Variants in SLC17A4 observed in about 807,000 individuals in gnomAD.
The protein encoded by SLC17A4 is solute carrier family 17 member 4.
In SLC17A4, 33 loss-of-function variants were observed where a neutral mutation model predicts 52.5. The ratio of observed to expected loss-of-function variants is 0.63; its 90% CI spans 0.48 to 0.84. The LOEUF (loss-of-function observed/expected upper bound fraction) is 0.84, where lower values mean the gene tolerates loss of function less well. SLC17A4 is among the 40% of genes least tolerant of loss of function. The probability of loss-of-function intolerance (pLI) is 0.00; values close to 1 mark genes in which losing one functional copy is unlikely to be tolerated. For synonymous variants in SLC17A4, 225 were observed against 216.2 expected (o/e 1.04, Z -0.36); for missense variants, 585 against 597.1 (o/e 0.98, Z 0.21).
chr6:25,756,480 G>T (rs896946574), intron 1 of SLC17A4, among the ~76,000 whole-genome samples: 3 of 152,034 alleles, frequency 2.0e-5, no homozygotes, highest in African/African-American at 7.3e-5. Flanking sequence ...TTCATACCAT[G>T]TGGCATTCTT....
In SLC17A4 at chr6:25,780,664, G is replaced by A. The variant is rs1763246776; in HGVS notation, c.*1476G>A. On this transcript the variant is annotated 3_prime_UTR_variant, in exon 12 of 12. Transcript: ENST00000377905. ...GTTGGTCTTTATTTTGAAATCAGTAGGAAGTGTCCTGGTTTTCAAAGGCAC... is the reference window on the plus strand; with the variant it reads ...GTTGGTCTTTATTTTGAAATCAGTAAGAAGTGTCCTGGTTTTCAAAGGCAC... 1 of 152,220 alleles carries A rather than the reference G, an allele frequency of 6.6e-6. No individual in the cohort carries two copies. The highest frequency in any genetic ancestry group is 6.6e-5 in the Admixed American group (1 of 15,264). 9.4% of individuals were successfully genotyped at this position (152,220 alleles called of 1,614,324 possible). A position where few individuals can be genotyped will look rare whatever the true frequency, so the allele number is the denominator to read the frequency against.
intron 7 of SLC17A4, 51 bp downstream of exon 7, chr6:25,773,444 A>G (rs1762643494): frequency 1.9e-6 from 3 of 1,612,454 alleles, no homozygotes; most frequent in Non-Finnish European, 2.5e-6. Context: ...TAGACGTCTG[A>G]GAGATGAAGA....
chr6:25,769,120 C>T lies in SLC17A4; in HGVS notation c.227C>T (p.Ala76Val). The T allele has an allele frequency of 1.2e-6, 2 of 1,614,010 alleles. No individual in the cohort carries two copies. The highest frequency in any genetic ancestry group is 1.7e-6 in the Non-Finnish European group (2 of 1,179,950). The change falls in exon 3 of 12, where the codon GCT becomes GTT. Residue 76 changes from alanine to valine, a missense_variant. Coordinates refer to ENST00000377905, the MANE Select transcript of SLC17A4 (RefSeq NM_005495.3). ...NNTAPPSQPN[A>V]STERPSTDSQ... ...ACAGCCCCACCTAGCCAGCCCAATG[C>T]TTCCACAGAACGGCCCTCCACTGAC... is the stretch of plus-strand genomic sequence containing the variant.
chr6:25,763,259 A>C (rs1481509344), intron 2 of SLC17A4, among the ~76,000 whole-genome samples: 1 of 151,952 alleles, frequency 6.6e-6, no homozygotes, highest in Admixed American at 6.6e-5. Flanking sequence ...TTTGTAACCC[A>C]CTTTACCCTG....
rs749077229 is a variant in SLC17A4 at position 25,776,801 on chromosome 6, T to A, written c.1121-11T>A. 6.2e-7 allele frequency: 1 copy of A among 1,613,984 alleles called. No homozygotes were observed. Among genetic ancestry groups the A allele is most frequent in the Admixed American group, 1.7e-5 (1 of 59,996 alleles). ...CCTTCAGTTTACTCTGTGTTTGTCC[T>A]CCTACCCCAGGGGTTCTCTTCCCAT... is the stretch of plus-strand genomic sequence containing the variant. On this transcript the variant is annotated splice_polypyrimidine_tract_variant and intron_variant, in intron 9 of 11. Coordinates refer to ENST00000377905, the MANE Select transcript of SLC17A4 (RefSeq NM_005495.3).
chr6:25,775,530 G>A (rs903400033), intron 8 of SLC17A4, among the ~76,000 whole-genome samples: 15 of 151,976 alleles, frequency 9.9e-5, no homozygotes, highest in African/African-American at 3.6e-4. Context: ...CGACCTCCCA[G>A]GCTCAAGCAA....
intron 1 of SLC17A4, among the ~76,000 whole-genome samples, chr6:25,759,081 T>G (rs1453516868): frequency 1.3e-5 from 2 of 152,230 alleles, no homozygotes; most frequent in Non-Finnish European, 2.9e-5. Flanking sequence ...AGCAGCTTAT[T>G]TAATTTCCAT....
chr6:25,761,344 G>A (rs1218321425), intron 1 of SLC17A4, among the ~76,000 whole-genome samples: 1 of 152,078 alleles, frequency 6.6e-6, no homozygotes, highest in Non-Finnish European at 1.5e-5. Flanking sequence ...CCTGGCATGG[G>A]CCTAAGGCTT....
rs989493713 is a variant in SLC17A4, at chr6:25,773,264, C to T, written c.707-11C>T. The T allele has an allele frequency of 6.2e-7, 1 of 1,607,198 alleles. No individual in the cohort carries two copies. Among genetic ancestry groups the T allele is most frequent in the Non-Finnish European group, 8.5e-7 (1 of 1,173,788 alleles). On this transcript the variant is annotated splice_polypyrimidine_tract_variant and intron_variant, in intron 6 of 11. Transcript: ENST00000377905. ...AATCCATCCAGTGCTAACTGGATCC[C>T]CTTTTCCTAGGAGGAATTGGCTGTG...
rs1365682481 is a variant in SLC17A4 at position 25,780,605 on chromosome 6, G to A, written c.*1417G>A. On this transcript the variant is annotated 3_prime_UTR_variant, in exon 12 of 12. Transcript: ENST00000377905. Reference sequence around the variant, plus strand: ...GAGACTGTAGAAGAATTAAGGTCAGGAGCACACAGGATGATGTAGGCCCAG... The same window carrying A: ...GAGACTGTAGAAGAATTAAGGTCAGAAGCACACAGGATGATGTAGGCCCAG... The A allele has an allele frequency of 6.6e-6, 1 of 152,220 alleles. No individual in the cohort carries two copies. The highest frequency in any genetic ancestry group is 2.4e-5 in the African/African-American group (1 of 41,438). The allele number at this position is 152,220 out of a possible 1,614,324, so 9.4% of individuals were successfully genotyped here.
intron 6 of SLC17A4, 53 bp from the exon 7 acceptor site, chr6:25,773,222 A>C: frequency 5.8e-6 from 8 of 1,380,276 alleles, no homozygotes; most frequent in Non-Finnish European, 8.3e-6. Flanking sequence ...TTAGAGTCAA[A>C]CTGAAAGAAG....
chr6:25,778,944 C>A, intron 11 of SLC17A4, 110 bp from the exon 12 acceptor site: 1 of 1,414,344 alleles, frequency 7.1e-7, no homozygotes, highest in Non-Finnish European at 9.7e-7. Flanking sequence ...CCCATGGAAG[C>A]CAGAGTGGAG....
intron 7 of SLC17A4, 22 bp downstream of exon 7, chr6:25,773,415 A>C: frequency 6.2e-7 from 1 of 1,612,554 alleles, no homozygotes; most frequent in South Asian, 1.1e-5. Flanking sequence ...AACTCCTCTG[A>C]CATTTCTCTA....
At chr6:25,761,833 A>T in intron 1 of SLC17A4, 94 bp from the exon 2 acceptor site, 3 of 678,824 alleles carry the variant, frequency 4.4e-6, no homozygotes, top group South Asian at 2.2e-5. Context: ...CACTTTTCTT[A>T]TACAGCAACA....
At position 25,777,918 on chromosome 6, in the gene SLC17A4, T is replaced by C; in HGVS notation, c.1269-8T>C. The C allele has an allele frequency of 6.2e-7, 1 of 1,605,618 alleles. No individual in the cohort carries two copies. Among genetic ancestry groups the C allele is most frequent in the Non-Finnish European group, 8.5e-7 (1 of 1,172,836 alleles). On this transcript the variant is annotated splice_polypyrimidine_tract_variant and splice_region_variant and intron_variant, in intron 10 of 11. Coordinates refer to ENST00000377905, the MANE Select transcript of SLC17A4 (RefSeq NM_005495.3). Reference sequence around the variant, plus strand: ...TGGTTATAATAGAGTACCATCTCTCTCTCTCAGGTACACTGGCTTTCTCAA... The same window carrying C: ...TGGTTATAATAGAGTACCATCTCTCCCTCTCAGGTACACTGGCTTTCTCAA...
chr6:25,779,226 C>T lies in SLC17A4; in HGVS notation c.*38C>T. The T allele has an allele frequency of 1.9e-6, 3 of 1,608,918 alleles. No homozygotes were observed. Among genetic ancestry groups the T allele is most frequent in the Non-Finnish European group, 1.7e-6 (2 of 1,177,002 alleles). On this transcript the variant is annotated 3_prime_UTR_variant, in exon 12 of 12. Coordinates refer to ENST00000377905, the MANE Select transcript of SLC17A4 (RefSeq NM_005495.3). ...ATGTGCTAGATCCTGGTGCTTAGTT[C>T]ATCATTGTTTTCCCTCACAGACATT...
rs1348550899 is a variant in SLC17A4, at chr6:25,768,304, G to A, written c.92-681G>A. ...AGAAAATGGCATCTTCATACCTTGT[G>A]ATCATACATTACCTCTGGGATTTCT... is the stretch of plus-strand genomic sequence containing the variant. On this transcript the variant is annotated intron_variant, in intron 2 of 11. Transcript: ENST00000377905. 3 of 899,896 alleles carry A rather than the reference G, an allele frequency of 3.3e-6. No individual in the cohort carries two copies. In the African/African-American group the frequency reaches 5.4e-5, roughly 16 times the overall value. 55.7% of individuals were successfully genotyped at this position (899,896 alleles called of 1,614,324 possible). A position where few individuals can be genotyped will look rare whatever the true frequency, so the allele number is the denominator to read the frequency against.
intron 6 of SLC17A4, among the ~76,000 whole-genome samples, chr6:25,772,094 T>C (rs1762528414): frequency 6.6e-6 from 1 of 152,168 alleles, no homozygotes; most frequent in Admixed American, 6.5e-5. Context: ...GGTGAATATA[T>C]TCACCAAAAA....
At chr6:25,760,766 A>G (rs1004759552) in intron 1 of SLC17A4, among the ~76,000 whole-genome samples, 3 of 152,054 alleles carry the variant, frequency 2.0e-5, no homozygotes, top group African/African-American at 7.2e-5. Flanking sequence ...TCAAATTTTA[A>G]TGCCTAATTT....
Sources: gnomAD v4.1 joint callset for allele counts (sites outside exome capture counted in the v4.1 genomes callset) on GRCh38, gnomAD v4.1.1 for gene constraint, MANE v1.5 for transcripts, NCBI Gene and HGNC (gene_info 2026-07-23, HGNC 2026-07-21) for gene names.